The following HMCN2 variants were observed in gnomAD, a reference collection of about 807,000 sequenced individuals.
HMCN2 encodes hemicentin-2.
A neutral mutation model predicts 377.5 loss-of-function variants in HMCN2; 325 were observed. That is an observed-to-expected ratio of 0.86 (90% CI 0.79 to 0.94). HMCN2 has a LOEUF of 0.94. Among genes scored for constraint, HMCN2 ranks in the 40% least tolerant of loss-of-function variants. HMCN2 has a pLI of 0.00. For missense variants in HMCN2, 4,543 were observed against 4,725.3 expected (o/e 0.96, Z 1.13); for synonymous variants, 2,007 against 2,046.8 (o/e 0.98, Z 0.53).
Position 130,369,632 on chromosome 9 carries a change from G to A in HMCN2, c.6850G>A (p.Val2284Met), listed in dbSNP as rs1840903455. The A allele has an allele frequency of 9.1e-6, 9 of 985,922 alleles. No homozygotes were observed. Among genetic ancestry groups the A allele is most frequent in the Non-Finnish European group, 1.1e-5 (9 of 829,958 alleles). The allele number at this position is 985,922 out of a possible 1,614,324, so 61.1% of individuals were successfully genotyped here. A position where few individuals can be genotyped will look rare whatever the true frequency, so the allele number is the denominator to read the frequency against. ...PTQVSVVQDGVATLECNATGK... is the reference protein window; with the variant it reads ...PTQVSVVQDGMATLECNATGK... ...ACAAGTCTCTGTGGTCCAGGATGGA[G>A]TGGCCACTCTGGAGTGCAACGCCAC... Residue 2284 changes from valine to methionine, a missense_variant, in exon 45 of 98, where the codon GTG becomes ATG. Coordinates refer to ENST00000683500, the MANE Select transcript of HMCN2 (RefSeq NM_001291815.2). The surrounding 1 kb of genome is among the most constrained non-coding windows in gnomAD (Gnocchi z 4.5).
chr9:130,368,442 G>A lies in HMCN2; in HGVS notation c.6787+5G>A. The stretch of plus-strand genomic sequence containing the variant: ...ACCTGCAGCTGGAGGTGCACGGTGG[G>A]TGAGCTGGGCGGGGGCTGGAAGGGT... On this transcript the variant is annotated splice_donor_5th_base_variant and intron_variant, in intron 44 of 97. Transcript: ENST00000683500. 2.0e-6 allele frequency: 2 copies of A among 986,176 alleles called. No individual in the cohort carries two copies. Among genetic ancestry groups the A allele is most frequent in the Middle Eastern group, 5.2e-4 (1 of 1,932 alleles). The allele number at this position is 986,176 out of a possible 1,614,324, so 61.1% of individuals were successfully genotyped here.
At chr9:130,395,565 C>T (rs926523027) in intron 71 of HMCN2, among the ~76,000 whole-genome samples, 5 of 152,174 alleles carry the variant, frequency 3.3e-5, no homozygotes, top group South Asian at 2.1e-4. Flanking sequence ...TCAGGGCTTC[C>T]GAGGCCCACC....
rs1454049737 is a variant in HMCN2 at position 130,325,090 on chromosome 9, CTTCTTCT to C, written c.2921-502_2921-496del. ...AGTTTTGTCTTTTCTTCTTCTTCTT[CTTCTTCT>C]TTTTTTTTTTTTTTGTAGACAAGAG... On this transcript the variant is annotated intron_variant, in intron 19 of 97. Transcript: ENST00000683500. 2.3e-4 allele frequency among the ~76,000 whole-genome samples: 18 copies of C among 77,516 alleles called. No homozygotes were observed. The Admixed American group carries it at 3.3e-3, about 14-fold the overall frequency. The allele number at this position is 77,516 out of a possible 152,430, so 50.9% of individuals were successfully genotyped here. A position where few individuals can be genotyped will look rare whatever the true frequency, so the allele number is the denominator to read the frequency against.
chr9:130,432,587 T>C, intron 97 of HMCN2, 32 bp downstream of exon 97: 1 of 1,545,070 alleles, frequency 6.5e-7, no homozygotes, highest in Non-Finnish European at 8.7e-7. Context: ...CCTCGTGCCC[T>C]CAGGAAAAGC....
intron 77 of HMCN2, 53 bp from the exon 78 acceptor site, chr9:130,402,736 T>A (rs1842913028): frequency 8.6e-7 from 1 of 1,162,740 alleles, no homozygotes; most frequent in Non-Finnish European, 1.1e-6. Context: ...CCCTGCCACC[T>A]CCATCCCTGG....
chr9:130,314,501 G>T (rs1229616423), intron 15 of HMCN2, among the ~76,000 whole-genome samples: 1 of 152,220 alleles, frequency 6.6e-6, no homozygotes, highest in African/African-American at 2.4e-5. Context: ...AGGAGTAAAG[G>T]CATCTTGTGG....
chr9:130,299,666 C>A (rs1836377882), intron 8 of HMCN2, among the ~76,000 whole-genome samples: 1 of 149,228 alleles, frequency 6.7e-6, no homozygotes, highest in African/African-American at 2.5e-5. Context: ...CACTCATCCA[C>A]CCACCCATTC....
intron 1 of HMCN2, among the ~76,000 whole-genome samples, chr9:130,273,033 A>G (rs1020430485): frequency 1.3e-5 from 2 of 152,106 alleles, no homozygotes; most frequent in Non-Finnish European, 2.9e-5. Flanking sequence ...AAAAAACTCT[A>G]TTGTTCTCAT....
At chr9:130,420,229 C>A (rs1843925694) in intron 86 of HMCN2, among the ~76,000 whole-genome samples, 1 of 152,100 alleles carries the variant, frequency 6.6e-6, no homozygotes, top group South Asian at 2.1e-4. Context: ...CACCCGCCAC[C>A]ATGCCCGGCT....
At chr9:130,382,639 A>C in intron 55 of HMCN2, 40 bp from the exon 56 acceptor site, 412 of 230,034 alleles carry the variant, frequency 1.8e-3, no homozygotes, top group Non-Finnish European at 2.6e-3. Flanking sequence ...GCCCCCAGGG[A>C]CCTGTGCCAG....
intron 34 of HMCN2, 136 bp from the exon 35 acceptor site, chr9:130,357,698 G>A (rs1055961166): frequency 8.6e-6 from 4 of 463,100 alleles, no homozygotes; most frequent in East Asian, 1.5e-4. Context: ...GATATGGTGG[G>A]CAGAAGCTAG....
intron 36 of HMCN2, among the ~76,000 whole-genome samples, chr9:130,359,063 G>C (rs1840213364): frequency 6.6e-6 from 1 of 152,200 alleles, no homozygotes; most frequent in Non-Finnish European, 1.5e-5. Context: ...CCCTTCCCCT[G>C]GCTGTGCTGG....
At chr9:130,275,799 C>T (rs923617883) in intron 1 of HMCN2, among the ~76,000 whole-genome samples, 4 of 152,126 alleles carry the variant, frequency 2.6e-5, no homozygotes, top group African/African-American at 9.7e-5. Flanking sequence ...AACCATCAGT[C>T]CTTCTTCTGA....
intron 43 of HMCN2, among the ~76,000 whole-genome samples, chr9:130,367,987 C>CAGAGTCT (rs1340411388): frequency 6.8e-6 from 1 of 146,932 alleles, no homozygotes; most frequent in Admixed American, 6.8e-5. Context: ...GAAATTGAGG[C>CAGAGTCT]AGAGTCTGCC....
chr9:130,274,432 C>T (rs1357905674), intron 1 of HMCN2, among the ~76,000 whole-genome samples: 2 of 152,196 alleles, frequency 1.3e-5, no homozygotes, highest in Non-Finnish European at 2.9e-5. Context: ...CTTTAATATA[C>T]AGCTGGATGA....
At chr9:130,299,575 TCACC>T (rs200156012) in intron 8 of HMCN2, among the ~76,000 whole-genome samples, 1 of 150,924 alleles carries the variant, frequency 6.6e-6, no homozygotes, top group African/African-American at 2.4e-5. Context: ...ACCCATTCAC[TCACC>T]CACCCATCCA....
chr9:130,405,449 T>C (rs1443253414), intron 81 of HMCN2, among the ~76,000 whole-genome samples: 1 of 152,192 alleles, frequency 6.6e-6, no homozygotes, highest in Non-Finnish European at 1.5e-5. Flanking sequence ...CTCCTTCCCC[T>C]CAGCACTCAT....
At chr9:130,343,458 G>A (rs1839171609) in intron 25 of HMCN2, among the ~76,000 whole-genome samples, 1 of 152,202 alleles carries the variant, frequency 6.6e-6, no homozygotes, top group African/African-American at 2.4e-5. Flanking sequence ...GGCAAGGGGA[G>A]GACCTGGGTG....
intron 26 of HMCN2, among the ~76,000 whole-genome samples, chr9:130,348,225 AG>A (rs1384236433): frequency 1.3e-5 from 2 of 152,208 alleles, no homozygotes; most frequent in Admixed American, 1.3e-4. Flanking sequence ...ATTCTCACTC[AG>A]GGGGACCCTC....
Sources: gnomAD v4.1 joint callset for allele counts (sites outside exome capture counted in the v4.1 genomes callset) on GRCh38, gnomAD v4.1.1 for gene constraint, Gnocchi (gnomAD v3.1) non-coding constraint, MANE v1.5 for transcripts, NCBI Gene and HGNC (gene_info 2026-07-23, HGNC 2026-07-21) for gene names.